Variants in PTPRK observed in about 807,000 individuals in gnomAD.
The protein encoded by PTPRK is receptor-type tyrosine-protein phosphatase kappa.
Under a neutral mutation model 178.0 loss-of-function variants are expected in PTPRK, and 75 were observed. The observed-to-expected ratio is 0.42, with a 90% CI of 0.35 to 0.51. The LOEUF (loss-of-function observed/expected upper bound fraction) is 0.51. Among genes scored for constraint, PTPRK ranks in the 20% least tolerant of loss-of-function variants. The probability of loss-of-function intolerance (pLI) is 0.02; values close to 1 mark genes in which losing one functional copy is unlikely to be tolerated. For synonymous variants in PTPRK, 637 were observed against 620.6 expected (o/e 1.03, Z -0.39); for missense variants, 1,441 against 1,797.8 (o/e 0.80, Z 3.59).
At chr6:128,198,803 A>AT (rs1482816972) in intron 6 of PTPRK, among the ~76,000 whole-genome samples, 1 of 152,026 alleles carries the variant, frequency 6.6e-6, no homozygotes, top group African/African-American at 2.4e-5. Flanking sequence ...ATTTACCTAT[A>AT]TTTTTTGCCT....
intron 1 of PTPRK, among the ~76,000 whole-genome samples, chr6:128,454,762 G>A (rs986951363): frequency 6.6e-6 from 1 of 152,018 alleles, no homozygotes; most frequent in African/African-American, 2.4e-5. Flanking sequence ...CCTTCTGTCT[G>A]AAGGAAATCC....
rs950582289 is a variant in PTPRK, at chr6:128,082,490, G to A, written c.1724C>T (p.Thr575Met). Residue 575 changes from threonine to methionine, a missense_variant, in exon 10 of 30, where the codon ACG becomes ATG. By Grantham distance (81) the Thr-to-Met change is moderately conservative. Around this residue, in one of 4 missense-constraint regions of PTPRK, gnomAD observed 945 missense variants for 1,080.6 expected, o/e 0.87. Transcript: ENST00000368226. ...TGTGGCTGGACCAAAGCCTTTGACC[G>A]TGCTGGCTCTTATGAAAAACTGGTA... The part of the protein sequence containing the change: ...TTYQFFIRAS[T>M]VKGFGPATAI... 1.9e-6 allele frequency: 3 copies of A among 1,613,368 alleles called. No individual in the cohort carries two copies. Among genetic ancestry groups the A allele is most frequent in the Non-Finnish European group, 2.5e-6 (3 of 1,179,528 alleles).
At chr6:128,430,664 G>A (rs573216602) in intron 1 of PTPRK, among the ~76,000 whole-genome samples, 1 of 152,148 alleles carries the variant, frequency 6.6e-6, no homozygotes, top group South Asian at 2.1e-4. Context: ...AACAAGAAAA[G>A]TCACAAAAGG....
chr6:128,103,880 G>C (rs1162338234), intron 7 of PTPRK, among the ~76,000 whole-genome samples: 2 of 152,118 alleles, frequency 1.3e-5, no homozygotes, highest in African/African-American at 4.8e-5. Context: ...CTTCCCATCT[G>C]AATCACAGTA....
intron 6 of PTPRK, among the ~76,000 whole-genome samples, chr6:128,213,719 C>T (rs1005039743): frequency 6.6e-6 from 1 of 152,014 alleles, no homozygotes; most frequent in Non-Finnish European, 1.5e-5. Context: ...CCCTTAGCCA[C>T]CAACTAGCAA....
chr6:128,480,315 C>G (rs992063847), intron 1 of PTPRK, among the ~76,000 whole-genome samples: 2 of 152,106 alleles, frequency 1.3e-5, no homozygotes, highest in African/African-American at 4.8e-5. Flanking sequence ...AACCTGAGCT[C>G]TTCTTCCCCC....
At position 127,976,689 on chromosome 6, in the gene PTPRK, T is replaced by C; in HGVS notation, c.3937A>G (p.Asn1313Asp). 1.9e-6 allele frequency: 3 copies of C among 1,614,058 alleles called. No homozygotes were observed. Among genetic ancestry groups the C allele is most frequent in the Non-Finnish European group, 2.5e-6 (3 of 1,179,976 alleles). ...MSCSMDCDVI[N>D]RIFRICNLTR... is the part of the protein sequence containing the mutation. Reference sequence around the variant, plus strand: ...AGATTGCATATCCTAAAAATCCGGTTGATCACATCACAGTCCATTGAACAA... The same window carrying C: ...AGATTGCATATCCTAAAAATCCGGTCGATCACATCACAGTCCATTGAACAA... Residue 1313 changes from asparagine (N) to aspartate (D), a missense_variant, in exon 27 of 30, where the codon AAC becomes GAC. Coordinates refer to ENST00000368226, the MANE Select transcript of PTPRK (RefSeq NM_002844.4).
At chr6:128,375,017 T>G (rs2128351228) in intron 2 of PTPRK, among the ~76,000 whole-genome samples, 1 of 151,424 alleles carries the variant, frequency 6.6e-6, no homozygotes, top group African/African-American at 2.4e-5. Context: ...CCTCCACATC[T>G]TTTAGGTCTT....
At chr6:128,052,922 T>A (rs1011162522) in intron 13 of PTPRK, among the ~76,000 whole-genome samples, 3 of 152,178 alleles carry the variant, frequency 2.0e-5, no homozygotes, top group Admixed American at 6.5e-5. Context: ...AATTGTGTCC[T>A]CTTGCTATGC....
At chr6:128,353,780 T>A (rs1380694264) in intron 2 of PTPRK, among the ~76,000 whole-genome samples, 1 of 152,144 alleles carries the variant, frequency 6.6e-6, no homozygotes. Context: ...ACAAAAAAAA[T>A]TCTGTTATAT....
At chr6:128,325,387 A>C (rs1301403881) in intron 2 of PTPRK, among the ~76,000 whole-genome samples, 3 of 152,204 alleles carry the variant, frequency 2.0e-5, no homozygotes, top group Non-Finnish European at 4.4e-5. Flanking sequence ...GTGAACAGGC[A>C]AACTACAGAA....
At chr6:128,161,151 TA>T (rs1798653716) in intron 7 of PTPRK, among the ~76,000 whole-genome samples, 1 of 151,728 alleles carries the variant, frequency 6.6e-6, no homozygotes, top group South Asian at 2.1e-4. Flanking sequence ...AAGAACACAA[TA>T]GCTTATATTT....
chr6:128,326,278 T>A (rs1829550488), intron 2 of PTPRK, among the ~76,000 whole-genome samples: 1 of 152,182 alleles, frequency 6.6e-6, no homozygotes, highest in Non-Finnish European at 1.5e-5. Context: ...CTGCACATTC[T>A]GCATATGTAT....
intron 1 of PTPRK, among the ~76,000 whole-genome samples, chr6:128,440,670 C>T (rs1238063292): frequency 6.6e-6 from 1 of 152,084 alleles, no homozygotes. Flanking sequence ...AGGTAGTACA[C>T]TATATGTGCT....
chr6:128,010,910 T>C (rs1457890933), intron 13 of PTPRK, among the ~76,000 whole-genome samples: 3 of 151,272 alleles, frequency 2.0e-5, no homozygotes, highest in South Asian at 2.1e-4. Flanking sequence ...TGTAGGGAAT[T>C]TCTAACCTCA....
intron 1 of PTPRK, among the ~76,000 whole-genome samples, chr6:128,454,515 G>A (rs1482306186): frequency 1.3e-5 from 2 of 152,042 alleles, no homozygotes; most frequent in African/African-American, 4.8e-5. Context: ...TGATTTACAT[G>A]CCATAAAATT....
chr6:128,158,258 C>G (rs984440885), intron 7 of PTPRK, among the ~76,000 whole-genome samples: 3 of 150,932 alleles, frequency 2.0e-5, no homozygotes, highest in Non-Finnish European at 4.4e-5. Flanking sequence ...TGGGGCCTGT[C>G]GTGGGGTGGG....
chr6:128,177,010 G>T (rs761812020), intron 7 of PTPRK, among the ~76,000 whole-genome samples: 23 of 151,674 alleles, frequency 1.5e-4, no homozygotes, highest in Non-Finnish European at 2.7e-4. Context: ...TTCAACAAAA[G>T]ATATGAATAG....
chr6:127,970,255 A>G lies in PTPRK; in HGVS notation c.4295T>C (p.Val1432Ala). ...APEQYRFCYD[V>A]ALEYLESS The stretch of plus-strand genomic sequence containing the variant: ...AGATGATTCCAGGTACTCCAAAGCT[A>G]CATCATAGCAGAAACGGTATTGCTC... Residue 1432 changes from valine (V) to alanine (A), a missense_variant, in exon 30 of 30, where the codon GTA becomes GCA. Physicochemically the swap from Val to Ala is moderately conservative, Grantham distance 64. This residue lies in a region of PTPRK where 335 missense variants were observed against 512.4 expected (regional missense o/e 0.65). Transcript: ENST00000368226. 4 of 1,611,140 alleles carry G rather than the reference A, an allele frequency of 2.5e-6. No individual in the cohort carries two copies. The highest frequency in any genetic ancestry group is 3.4e-6 in the Non-Finnish European group (4 of 1,178,350).
Sources: gnomAD v4.1 joint callset for allele counts (sites outside exome capture counted in the v4.1 genomes callset) on GRCh38, gnomAD v4.1.1 for gene constraint, gnomAD v4.1.1 regional missense constraint, MANE v1.5 for transcripts, NCBI Gene and HGNC (gene_info 2026-07-23, HGNC 2026-07-21) for gene names.